Variants in LRRTM4 observed in about 807,000 individuals in gnomAD.
LRRTM4 encodes the protein leucine-rich repeat transmembrane neuronal protein 4.
LRRTM4 carries 25 observed loss-of-function variants against 47.6 expected under a neutral mutation model. The ratio of observed to expected loss-of-function variants is 0.53; its 90% CI spans 0.38 to 0.73. LRRTM4 has a LOEUF of 0.73. Among genes scored for constraint, LRRTM4 ranks in the 30% least tolerant of loss-of-function variants. LRRTM4 has a pLI of 0.00. For missense variants in LRRTM4, 638 were observed against 713.4 expected (o/e 0.89, Z 1.20); for synonymous variants, 311 against 269.5 (o/e 1.15, Z -1.51).
intron 3 of LRRTM4, among the ~76,000 whole-genome samples, chr2:77,028,642 G>C (rs1678536790): frequency 1.3e-5 from 2 of 152,028 alleles, no homozygotes; most frequent in Admixed American, 1.3e-4. Flanking sequence ...AAATGATTCT[G>C]ATGTTGACAA....
At chr2:76,925,529 T>G (rs1199076996) in intron 3 of LRRTM4, among the ~76,000 whole-genome samples, 1 of 152,160 alleles carries the variant, frequency 6.6e-6, no homozygotes, top group Non-Finnish European at 1.5e-5. Context: ...GGTTGTTTGT[T>G]AAGCAGTATC....
intron 3 of LRRTM4, among the ~76,000 whole-genome samples, chr2:76,933,085 A>G (rs971111989): frequency 1.1e-4 from 16 of 152,276 alleles, no homozygotes; most frequent in Admixed American, 8.5e-4. Context: ...AACCATTAAG[A>G]TAGATAATAT....
At chr2:77,320,310 C>T (rs925036851) in intron 3 of LRRTM4, among the ~76,000 whole-genome samples, 25 of 152,108 alleles carry the variant, frequency 1.6e-4, no homozygotes, top group African/African-American at 5.8e-4. Context: ...CTGGTACATA[C>T]GAGTTATGAG....
intron 3 of LRRTM4, among the ~76,000 whole-genome samples, chr2:76,891,445 T>G (rs1485044461): frequency 6.6e-6 from 1 of 151,632 alleles, no homozygotes; most frequent in Admixed American, 6.6e-5. Flanking sequence ...TTGAGAAAAT[T>G]TTCACAGAAC....
intron 3 of LRRTM4, among the ~76,000 whole-genome samples, chr2:77,495,918 G>A (rs758895597): frequency 2.5e-4 from 38 of 151,940 alleles, no homozygotes; most frequent in Non-Finnish European, 3.1e-4. Flanking sequence ...TACCAAAAAG[G>A]AGGCTGCTTA....
intron 3 of LRRTM4, among the ~76,000 whole-genome samples, chr2:76,825,614 G>T (rs1185792646): frequency 6.6e-6 from 1 of 151,590 alleles, no homozygotes; most frequent in Non-Finnish European, 1.5e-5. Flanking sequence ...ATGATGGATA[G>T]ACAGCTAAAT....
intron 3 of LRRTM4, among the ~76,000 whole-genome samples, chr2:77,047,833 C>T (rs1679285011): frequency 6.6e-6 from 1 of 151,990 alleles, no homozygotes; most frequent in Admixed American, 6.6e-5. Context: ...GGAAGATAAA[C>T]TATTAGGGTT....
chr2:77,116,150 C>T (rs1671383909), intron 3 of LRRTM4, among the ~76,000 whole-genome samples: 1 of 151,856 alleles, frequency 6.6e-6, no homozygotes, highest in East Asian at 1.9e-4. Context: ...GTTTAGGAGC[C>T]TTATACCTTT....
chr2:77,266,313 T>C (rs752447370), intron 3 of LRRTM4, among the ~76,000 whole-genome samples: 1 of 152,116 alleles, frequency 6.6e-6, no homozygotes, highest in African/African-American at 2.4e-5. Flanking sequence ...AATTTCTGCA[T>C]GTAAAACTCA....
chr2:77,061,686 A>T (rs1245292560), intron 3 of LRRTM4, among the ~76,000 whole-genome samples: 1 of 151,092 alleles, frequency 6.6e-6, no homozygotes, highest in Admixed American at 6.6e-5. Flanking sequence ...ACCAACTCTC[A>T]AATAGTTTTC....
At chr2:76,807,403 TATACGTATATATATATATATAC>T (rs1170119975) in intron 3 of LRRTM4, among the ~76,000 whole-genome samples, 54 of 102,772 alleles carry the variant, frequency 5.3e-4, no homozygotes, top group Admixed American at 2.4e-3. Flanking sequence ...TATATATGTA[TATACGTATATATATATATATAC>T]ATATATATAT....
At chr2:76,971,571 C>A (rs909095268) in intron 3 of LRRTM4, among the ~76,000 whole-genome samples, 2 of 151,948 alleles carry the variant, frequency 1.3e-5, no homozygotes, top group Non-Finnish European at 2.9e-5. Flanking sequence ...GGGCACAGCT[C>A]CAATCCCAAG....
intron 3 of LRRTM4, among the ~76,000 whole-genome samples, chr2:77,255,358 C>A (rs1675736538): frequency 1.3e-5 from 2 of 151,890 alleles, no homozygotes; most frequent in African/African-American, 4.8e-5. Context: ...CAGTGATAAA[C>A]AACTAGACAG....
At chr2:76,779,949 C>A (rs900480363) in intron 3 of LRRTM4, among the ~76,000 whole-genome samples, 3 of 151,924 alleles carry the variant, frequency 2.0e-5, no homozygotes, top group Admixed American at 1.3e-4. Context: ...TCTTGTAAGG[C>A]AGGCCTGGTG....
intron 3 of LRRTM4, among the ~76,000 whole-genome samples, chr2:77,217,440 A>ATATATATATATATATAT (rs1674484073): frequency 1.3e-5 from 1 of 76,794 alleles, no homozygotes; most frequent in African/African-American, 6.2e-5. Flanking sequence ...CTCCAAATGA[A>ATATATATATATATATAT]ATATATATAT....
chr2:77,193,026 G>A (rs561550662), intron 3 of LRRTM4, among the ~76,000 whole-genome samples: 2 of 152,178 alleles, frequency 1.3e-5, no homozygotes, highest in Middle Eastern at 3.4e-3. Flanking sequence ...TGGTGGTCCC[G>A]TAAGATTATA....
chr2:77,256,083 T>A (rs1166063761), intron 3 of LRRTM4, among the ~76,000 whole-genome samples: 9 of 152,002 alleles, frequency 5.9e-5, no homozygotes, highest in Non-Finnish European at 1.2e-4. Flanking sequence ...TCATGAATAA[T>A]ATTGGGGTTA....
At chr2:77,094,929 A>C (rs1424185475) in intron 3 of LRRTM4, among the ~76,000 whole-genome samples, 1 of 152,166 alleles carries the variant, frequency 6.6e-6, no homozygotes, top group East Asian at 1.9e-4. Context: ...AAATAGACAA[A>C]CTAGATTGTA....
At chr2:77,089,662 T>C (rs1027776398) in intron 3 of LRRTM4, among the ~76,000 whole-genome samples, 5 of 151,984 alleles carry the variant, frequency 3.3e-5, no homozygotes, top group South Asian at 2.1e-4. Context: ...CATTCCTCCT[T>C]CTACTCCCCT....
Sources: gnomAD v4.1 joint callset for allele counts (sites outside exome capture counted in the v4.1 genomes callset) on GRCh38, gnomAD v4.1.1 for gene constraint, MANE v1.5 for transcripts, NCBI Gene and HGNC (gene_info 2026-07-23, HGNC 2026-07-21) for gene names.